MRE11: variants seen among roughly 807,000 people sequenced by gnomAD.
The protein encoded by MRE11 is double-strand break repair protein MRE11.
A neutral mutation model predicts 91.7 loss-of-function variants in MRE11; 62 were observed. The observed-to-expected ratio is 0.68, with a 90% confidence interval of 0.55 to 0.84. The LOEUF is 0.84. MRE11 is among the 40% of genes least tolerant of loss of function. MRE11 has a pLI of 0.00. For missense variants in MRE11, 796 were observed against 852.9 expected, an observed-to-expected ratio of 0.93 and a Z score of 0.83; for synonymous variants, 273 against 271.4, an observed-to-expected ratio of 1.01 and a Z score of -0.06.
At chr11:94,427,539 C>T (rs918415129) in intron 19 of MRE11, among the ~76,000 whole-genome samples, 3 of 152,116 alleles carry the variant, frequency 2.0e-5, no homozygotes, top group Non-Finnish European at 4.4e-5. Flanking sequence ...GAAGTCCTAG[C>T]CAGAGCAATC....
At chr11:94,493,428 A>C (rs1947347096) in intron 1 of MRE11, among the ~76,000 whole-genome samples, 1 of 152,174 alleles carries the variant, frequency 6.6e-6, no homozygotes, top group African/African-American at 2.4e-5. Context: ...CACCAGCAGG[A>C]TGACTGAAAA....
At chr11:94,420,835 A>G (rs559775160) in intron 19 of MRE11, among the ~76,000 whole-genome samples, 53 of 152,342 alleles carry the variant, frequency 3.5e-4, no homozygotes, top group Non-Finnish European at 6.8e-4. Flanking sequence ...GATCGAGACC[A>G]TCCTGGCTAG....
intron 19 of MRE11, among the ~76,000 whole-genome samples, chr11:94,428,944 T>C (rs1402629599): frequency 1.3e-5 from 2 of 150,134 alleles, no homozygotes; most frequent in African/African-American, 4.9e-5. Context: ...AAAATACGTA[T>C]CCAACAAAGG....
intron 16 of MRE11, among the ~76,000 whole-genome samples, chr11:94,439,833 G>GTCCTCC (rs1945725947): frequency 1.3e-5 from 2 of 152,196 alleles, no homozygotes; most frequent in Non-Finnish European, 2.9e-5. Context: ...TAGTAAAATT[G>GTCCTCC]AGAAGTCAGG....
chr11:94,462,839 C>T (rs1482784474), intron 11 of MRE11, among the ~76,000 whole-genome samples: 6 of 152,088 alleles, frequency 3.9e-5, no homozygotes, highest in Admixed American at 2.0e-4. Context: ...AGAAGAAAAC[C>T]TAGGCAATAC....
At chr11:94,457,887 T>TCTCTCTCACACACA (rs372404360) in intron 13 of MRE11, among the ~76,000 whole-genome samples, 135 of 144,300 alleles carry the variant, frequency 9.4e-4, no homozygotes, top group African/African-American at 3.1e-3. Context: ...TCTCTCTCTC[T>TCTCTCTCACACACA]CACACACACA....
At chr11:94,450,616 CCA>C (rs1946074244) in intron 14 of MRE11, among the ~76,000 whole-genome samples, 1 of 152,012 alleles carries the variant, frequency 6.6e-6, no homozygotes, top group Non-Finnish European at 1.5e-5. Flanking sequence ...TGAAAACAAA[CCA>C]GAGTCAAAAC....
At chr11:94,477,678 A>C (rs1183693676) in intron 6 of MRE11, among the ~76,000 whole-genome samples, 1 of 152,258 alleles carries the variant, frequency 6.6e-6, no homozygotes, top group East Asian at 1.9e-4. Context: ...AGCCCAAGGC[A>C]TTAGAAGATT....
intron 7 of MRE11, chr11:94,475,387 C>A: frequency 3.3e-6 from 1 of 303,224 alleles, no homozygotes; most frequent in African/African-American, 2.2e-5. Flanking sequence ...TTTCAGCATC[C>A]CAGGATTTTA....
At chr11:94,474,060 C>G (rs1394820215) in intron 7 of MRE11, among the ~76,000 whole-genome samples, 1 of 152,046 alleles carries the variant, frequency 6.6e-6, no homozygotes, top group Non-Finnish European at 1.5e-5. Context: ...TATATCTATT[C>G]CCATAACTCT....
chr11:94,454,658 G>C (rs919046146), intron 14 of MRE11, among the ~76,000 whole-genome samples: 4 of 152,118 alleles, frequency 2.6e-5, no homozygotes, highest in Admixed American at 2.6e-4. Context: ...GAACTTGTAA[G>C]TTATTTCTTC....
chr11:94,497,122 T>C, upstream of MRE11: 1 of 829,406 alleles, frequency 1.2e-6, no homozygotes, highest in South Asian at 1.6e-5. Context: ...ATGCTAGGTA[T>C]TATTTGGGGG....
At chr11:94,509,562 C>G in the MRE11 span, among the ~76,000 whole-genome samples, 1 of 152,080 alleles carries the variant, frequency 6.6e-6, no homozygotes, top group African/African-American at 2.4e-5. Flanking sequence ...CCTGCCTCAG[C>G]CTCCGGAGTA....
the MRE11 span, chr11:94,499,498 T>TAAA: frequency 1.4e-5 from 2 of 147,844 alleles, no homozygotes. Flanking sequence ...GCTCAGGCTT[T>TAAA]AAAAAAAAAA....
intron 14 of MRE11, among the ~76,000 whole-genome samples, chr11:94,453,211 T>G (rs950762746): frequency 1.3e-5 from 2 of 152,140 alleles, no homozygotes; most frequent in Non-Finnish European, 2.9e-5. Flanking sequence ...TACCACATTT[T>G]GTTTATCCAT....
chr11:94,459,616 T>C (rs748074594), intron 12 of MRE11, 35 bp from the exon 13 acceptor site: 14 of 1,597,852 alleles, frequency 8.8e-6, no homozygotes, highest in Non-Finnish European at 1.2e-5. Context: ...CAGAAATAGT[T>C]TTTATTCCTT....
chr11:94,447,555 A>G, intron 14 of MRE11, 117 bp from the exon 15 acceptor site: 3 of 1,015,632 alleles, frequency 3.0e-6, no homozygotes, highest in South Asian at 1.4e-5. Flanking sequence ...GGAGGCTGAC[A>G]CAGTGGCTCA....
intron 19 of MRE11, among the ~76,000 whole-genome samples, chr11:94,426,628 TTAAAA>T (rs1945326044): frequency 6.6e-6 from 1 of 152,008 alleles, no homozygotes; most frequent in African/African-American, 2.4e-5. Flanking sequence ...AATTGGTTCT[TTAAAA>T]TAATAAACAA....
At chr11:94,465,631 G>A (rs1003669629) in intron 10 of MRE11, among the ~76,000 whole-genome samples, 1 of 152,110 alleles carries the variant, frequency 6.6e-6, no homozygotes, top group Admixed American at 6.6e-5. Flanking sequence ...CCTGACGTCA[G>A]ATGATTCAGC....
Sources: allele counts gnomAD v4.1 joint callset (sites outside exome capture counted in the v4.1 genomes callset), GRCh38; gene constraint gnomAD v4.1.1; transcripts MANE v1.5; gene names NCBI Gene and HGNC (gene_info 2026-07-23, HGNC 2026-07-21).